The following ATF7IP variants were observed in gnomAD, a reference collection of about 807,000 sequenced individuals.
The protein encoded by ATF7IP is activating transcription factor 7 interacting protein, also known as activating transcription factor 7-interacting protein 1.
Under a neutral mutation model 106.4 loss-of-function variants are expected in ATF7IP, and 23 were observed. The observed-to-expected ratio is 0.22, with a 90% CI of 0.16 to 0.31. ATF7IP has a LOEUF of 0.31. Among genes scored for constraint, ATF7IP ranks in the 10% least tolerant of loss-of-function variants. The probability of loss-of-function intolerance (pLI) is 1.00; values close to 1 mark genes in which losing one functional copy is unlikely to be tolerated. For synonymous variants in ATF7IP, 542 were observed against 539.0 expected (o/e 1.01, Z -0.08); for missense variants, 1,334 against 1,524.3 (o/e 0.88, Z 2.08).
intron 2 of ATF7IP, among the ~76,000 whole-genome samples, chr12:14,428,831 C>T (rs74069829): frequency 0.019 from 2,841 of 152,100 alleles, 90 homozygotes; most frequent in African/African-American, 0.065. Flanking sequence ...TTTAATTTTA[C>T]AAAAGTAGAA....
chr12:14,465,330 T>C (rs1322642461), intron 9 of ATF7IP, among the ~76,000 whole-genome samples: 1 of 152,066 alleles, frequency 6.6e-6, no homozygotes, highest in East Asian at 1.9e-4. Flanking sequence ...GATGGAAGTG[T>C]TTCAAATGCA....
chr12:14,393,476 A>G (rs1174517680), intron 1 of ATF7IP, among the ~76,000 whole-genome samples: 1 of 152,124 alleles, frequency 6.6e-6, no homozygotes, highest in Non-Finnish European at 1.5e-5. Flanking sequence ...CTGAGAAGAG[A>G]ATATAGTTGT....
At chr12:14,444,587 T>C (rs775499055) in intron 5 of ATF7IP, among the ~76,000 whole-genome samples, 4 of 152,184 alleles carry the variant, frequency 2.6e-5, no homozygotes, top group Non-Finnish European at 4.4e-5. Flanking sequence ...GTATGGCAGA[T>C]ATTTTGAATT....
At chr12:14,416,391 A>G (rs1019728297) in intron 1 of ATF7IP, among the ~76,000 whole-genome samples, 1 of 151,962 alleles carries the variant, frequency 6.6e-6, no homozygotes, top group Non-Finnish European at 1.5e-5. Context: ...CAGCATGAAT[A>G]TAATTGGAAT....
intron 1 of ATF7IP, among the ~76,000 whole-genome samples, chr12:14,405,318 C>G (rs944991586): frequency 1.3e-5 from 2 of 150,492 alleles, no homozygotes; most frequent in African/African-American, 4.9e-5. Flanking sequence ...TCTTGCTCTG[C>G]TATAGAAGAT....
chr12:14,426,758 C>T (rs1477374654), intron 2 of ATF7IP, among the ~76,000 whole-genome samples: 10 of 127,198 alleles, frequency 7.9e-5, no homozygotes, highest in South Asian at 2.6e-4. Flanking sequence ...CCTGGGTGGT[C>T]GAGGCTGCAG....
At chr12:14,482,945 G>A (rs1296590155) in intron 13 of ATF7IP, among the ~76,000 whole-genome samples, 2 of 152,206 alleles carry the variant, frequency 1.3e-5, no homozygotes, top group Admixed American at 1.3e-4. Flanking sequence ...TTAAATGTTG[G>A]TAGGAAGTCA....
chr12:14,496,583 G>T (rs773117873), intron 14 of ATF7IP, among the ~76,000 whole-genome samples: 1 of 152,166 alleles, frequency 6.6e-6, no homozygotes, highest in Non-Finnish European at 1.5e-5. Context: ...CAGGTCCACA[G>T]TTGGGGTATA....
At position 14,425,406 on chromosome 12, in the gene ATF7IP, T is replaced by A; in HGVS notation, c.1491T>A (p.Asp497Glu). 2 of 1,606,624 alleles carry A rather than the reference T, an allele frequency of 1.2e-6. No homozygotes were observed. Among genetic ancestry groups the A allele is most frequent in the Non-Finnish European group, 1.7e-6 (2 of 1,177,590 alleles). ...LPKEAFLVLSDEEDISGEKDE... is the reference protein window; with the variant it reads ...LPKEAFLVLSEEEDISGEKDE... ...AAGAAGCCTTTCTGGTCCTCTCTGA[T>A]GAAGAGGATATTTCGGGTGAAAAAG... is the stretch of plus-strand genomic sequence containing the variant. The change falls in exon 2 of 15, where the codon GAT becomes GAA. Residue 497 changes from aspartate (D) to glutamate (E), a missense_variant. Transcript: ENST00000261168.
At chr12:14,383,862 TA>T in intron 1 of ATF7IP, among the ~76,000 whole-genome samples, 1 of 152,282 alleles carries the variant, frequency 6.6e-6, no homozygotes, top group African/African-American at 2.4e-5. Flanking sequence ...GTGCTTGGCC[TA>T]AATCTTGCTT....
At chr12:14,415,643 A>C (rs1941161869) in intron 1 of ATF7IP, among the ~76,000 whole-genome samples, 2 of 150,720 alleles carry the variant, frequency 1.3e-5, no homozygotes, top group South Asian at 4.2e-4. Context: ...TTGATAACTT[A>C]CTCAACTGAG....
At chr12:14,399,703 G>A (rs1364720474) in intron 1 of ATF7IP, among the ~76,000 whole-genome samples, 1 of 151,522 alleles carries the variant, frequency 6.6e-6, no homozygotes, top group Non-Finnish European at 1.5e-5. Flanking sequence ...TCTTGTGAGT[G>A]TAATATCTTC....
chr12:14,378,168 G>A (rs963749182), intron 1 of ATF7IP, among the ~76,000 whole-genome samples: 2 of 149,766 alleles, frequency 1.3e-5, no homozygotes, highest in Non-Finnish European at 3.0e-5. Context: ...CATGATCTTG[G>A]CTCACTGCAA....
At chr12:14,462,793 GAT>G in intron 9 of ATF7IP, among the ~76,000 whole-genome samples, 1 of 151,946 alleles carries the variant, frequency 6.6e-6, no homozygotes, top group Middle Eastern at 3.4e-3. Flanking sequence ...AGCATTCTGA[GAT>G]AATGCACAAT....
Position 14,368,612 on chromosome 12 carries a change from CTT to C in ATF7IP, c.-8+2792_-8+2793del, listed in dbSNP as rs752529929. ...AAGTAATTTGCAAAATTGATAAAAA[CTT>C]TTTTTTGAAAAGCATTTTTTATCAT... is the stretch of plus-strand genomic sequence containing the variant. On this transcript the variant is annotated intron_variant, in intron 1 of 14. Coordinates refer to ENST00000261168, the MANE Select transcript of ATF7IP (RefSeq NM_018179.5). Among the ~76,000 whole-genome samples the C allele has an allele frequency of 2.0e-5, 3 of 151,900 alleles. No individual in the cohort carries two copies. In the East Asian group the frequency reaches 5.8e-4, roughly 29 times the overall value.
At chr12:14,379,360 C>A (rs1412132853) in intron 1 of ATF7IP, among the ~76,000 whole-genome samples, 1 of 152,178 alleles carries the variant, frequency 6.6e-6, no homozygotes, top group Non-Finnish European at 1.5e-5. Context: ...TCCTGTACAG[C>A]CAGCAGAATT....
chr12:14,430,511 C>G (rs1276048125), intron 2 of ATF7IP, among the ~76,000 whole-genome samples: 2 of 152,164 alleles, frequency 1.3e-5, no homozygotes, highest in African/African-American at 4.8e-5. Context: ...AAAACTAATA[C>G]AAAATGTCTG....
intron 11 of ATF7IP, among the ~76,000 whole-genome samples, chr12:14,477,059 G>A (rs1422449738): frequency 6.6e-6 from 1 of 152,116 alleles, no homozygotes; most frequent in Non-Finnish European, 1.5e-5. Context: ...AAACTTACTT[G>A]GCTGTGCAAA....
intron 1 of ATF7IP, among the ~76,000 whole-genome samples, chr12:14,415,502 G>C (rs1252545489): frequency 6.6e-6 from 1 of 152,092 alleles, no homozygotes; most frequent in African/African-American, 2.4e-5. Context: ...GGAATTGTTG[G>C]TAAAGCAAAC....
Sources: gnomAD v4.1 joint callset for allele counts (sites outside exome capture counted in the v4.1 genomes callset) on GRCh38, gnomAD v4.1.1 for gene constraint, MANE v1.5 for transcripts, NCBI Gene and HGNC (gene_info 2026-07-23, HGNC 2026-07-21) for gene names.